Variants in KALRN observed in about 807,000 individuals in gnomAD.
KALRN encodes the protein kalirin RhoGEF kinase, also known as kalirin.
KALRN carries 70 observed loss-of-function variants against 353.7 expected under a neutral mutation model. The observed-to-expected ratio is 0.20, with a 90% confidence interval of 0.16 to 0.24. The LOEUF is 0.24. Among genes scored for constraint, KALRN ranks in the 10% least tolerant of loss-of-function variants. KALRN has a pLI of 1.00. For synonymous variants in KALRN, 1,391 were observed against 1,434.8 expected, an observed-to-expected ratio of 0.97 and a Z score of 0.69; for missense variants, 2,791 against 3,756.7, an observed-to-expected ratio of 0.74 and a Z score of 6.72.
chr3:124,243,100 C>T (rs2080699783), intron 3 of KALRN, among the ~76,000 whole-genome samples: 3 of 152,322 alleles, frequency 2.0e-5, no homozygotes, highest in Non-Finnish European at 4.4e-5. Context: ...ATGTTTCCTT[C>T]ACCCACCTGC....
chr3:124,716,397 G>T (rs1357756876), intron 58 of KALRN, among the ~76,000 whole-genome samples: 1 of 152,194 alleles, frequency 6.6e-6, no homozygotes, highest in Non-Finnish European at 1.5e-5. Context: ...GATGGCACAC[G>T]CCTGTAATTC....
At chr3:124,626,962 G>C (rs954947585) in intron 34 of KALRN, among the ~76,000 whole-genome samples, 25 of 152,174 alleles carry the variant, frequency 1.6e-4, no homozygotes, top group Admixed American at 1.5e-3. Flanking sequence ...AATAACACCT[G>C]CCTGGACTTG....
chr3:124,582,732 C>G (rs1167711342), intron 34 of KALRN, among the ~76,000 whole-genome samples: 2 of 148,360 alleles, frequency 1.3e-5, no homozygotes, highest in Admixed American at 1.4e-4. Flanking sequence ...TTACTGGTAT[C>G]CCAACCATGT....
At chr3:124,573,474 G>C (rs1489978323) in intron 34 of KALRN, among the ~76,000 whole-genome samples, 1 of 151,994 alleles carries the variant, frequency 6.6e-6, no homozygotes, top group African/African-American at 2.4e-5. Flanking sequence ...AAGGGGTCAG[G>C]GTTCTCTTTC....
At chr3:124,193,594 A>G (rs1021143330) in intron 1 of KALRN, among the ~76,000 whole-genome samples, 1 of 151,878 alleles carries the variant, frequency 6.6e-6, no homozygotes, top group African/African-American at 2.4e-5. Context: ...TACATATACA[A>G]TCAAATTTAA....
chr3:124,519,426 AGAT>A (rs1332261327), intron 33 of KALRN: 20 of 985,452 alleles, frequency 2.0e-5, no homozygotes, highest in Non-Finnish European at 2.4e-5. Context: ...CAAGAGGCAG[AGAT>A]GATGATTCCA....
intron 1 of KALRN, among the ~76,000 whole-genome samples, chr3:124,105,169 G>A (rs970940847): frequency 6.6e-5 from 10 of 152,184 alleles, no homozygotes; most frequent in Non-Finnish European, 1.2e-4. Flanking sequence ...AAGCAACAGG[G>A]ATTTCTTACT....
At chr3:124,646,473 C>T (rs1349394078) in intron 37 of KALRN, among the ~76,000 whole-genome samples, 1 of 147,556 alleles carries the variant, frequency 6.8e-6, no homozygotes, top group Non-Finnish European at 1.5e-5. Flanking sequence ...TCACTGCAAC[C>T]TCCACCTCCC....
chr3:124,059,702 A>AT (rs759501598), intron 1 of KALRN, among the ~76,000 whole-genome samples: 1 of 152,056 alleles, frequency 6.6e-6, no homozygotes. Context: ...TTCTCCATTG[A>AT]TTTTTTGTGC....
chr3:124,186,891 A>G (rs1338700751), intron 1 of KALRN, among the ~76,000 whole-genome samples: 2 of 152,082 alleles, frequency 1.3e-5, no homozygotes, highest in Non-Finnish European at 1.5e-5. Context: ...GGGTGATGGG[A>G]CACTTGTTTG....
intron 33 of KALRN, among the ~76,000 whole-genome samples, chr3:124,500,617 A>C (rs1287970137): frequency 6.6e-6 from 1 of 152,248 alleles, no homozygotes; most frequent in African/African-American, 2.4e-5. Flanking sequence ...TGGGTGCCTC[A>C]GTAAATGGCA....
At chr3:124,241,740 G>A (rs2080467436) in intron 3 of KALRN, among the ~76,000 whole-genome samples, 1 of 152,208 alleles carries the variant, frequency 6.6e-6, no homozygotes, top group African/African-American at 2.4e-5. Context: ...TGATGAAATA[G>A]AGGGTTGAAC....
intron 1 of KALRN, among the ~76,000 whole-genome samples, chr3:124,172,871 TA>T (rs2072068147): frequency 1.3e-5 from 2 of 152,188 alleles, no homozygotes; most frequent in Non-Finnish European, 2.9e-5. Flanking sequence ...TGTAGATTTT[TA>T]TAAATTGGGT....
chr3:124,621,343 A>G (rs1348778024), intron 34 of KALRN, among the ~76,000 whole-genome samples: 3 of 152,256 alleles, frequency 2.0e-5, no homozygotes, highest in Admixed American at 6.5e-5. Context: ...TACAGAATTT[A>G]TAAAAACACA....
intron 5 of KALRN, 77 bp from the exon 6 acceptor site, chr3:124,298,714 T>C: frequency 6.5e-7 from 1 of 1,537,560 alleles, no homozygotes; most frequent in Non-Finnish European, 9.0e-7. Context: ...CTTTTTCCCC[T>C]TCCACTAGCT....
At chr3:124,455,389 C>T (rs779940388) in intron 22 of KALRN, 30 bp downstream of exon 22, 52 of 1,592,630 alleles carry the variant, frequency 3.3e-5, no homozygotes, top group Non-Finnish European at 4.2e-5. Flanking sequence ...TCTGGGACAT[C>T]CTCCCTTCTC....
At chr3:124,310,001 A>G (rs2149294974) in intron 6 of KALRN, among the ~76,000 whole-genome samples, 2 of 152,330 alleles carry the variant, frequency 1.3e-5, no homozygotes, top group Middle Eastern at 6.8e-3. Flanking sequence ...TGACACAAGC[A>G]TGTATATGAA....
chr3:124,699,825 C>G (rs753228159), intron 55 of KALRN, 44 bp from the exon 56 acceptor site: 1 of 1,592,294 alleles, frequency 6.3e-7, no homozygotes, highest in Non-Finnish European at 8.6e-7. Context: ...AAACAATATC[C>G]CTTTGGCTTT....
intron 36 of KALRN, among the ~76,000 whole-genome samples, chr3:124,636,636 G>A (rs1297945509): frequency 6.6e-6 from 1 of 152,178 alleles, no homozygotes; most frequent in Admixed American, 6.6e-5. Context: ...GAGCGGGAGA[G>A]GAAGACAGAG....
Sources: allele counts gnomAD v4.1 joint callset (sites outside exome capture counted in the v4.1 genomes callset), GRCh38; gene constraint gnomAD v4.1.1; transcripts MANE v1.5; gene names NCBI Gene and HGNC (gene_info 2026-07-23, HGNC 2026-07-21).